DOP1B: variants seen among roughly 807,000 people sequenced by gnomAD.
DOP1B encodes DOP1 leucine zipper like protein B, also known as protein DOP1B.
A neutral mutation model predicts 233.5 loss-of-function variants in DOP1B; 174 were observed. The observed-to-expected ratio is 0.75, with a 90% CI of 0.66 to 0.85. The LOEUF is 0.85. Ranked by LOEUF, DOP1B falls within the 40% of genes least tolerant of loss-of-function variation. The pLI is 0.00. For missense variants in DOP1B, 2,652 were observed against 2,846.6 expected (o/e 0.93, Z 1.56); for synonymous variants, 1,190 against 1,185.6 (o/e 1.00, Z -0.08).
At position 36,248,464 on chromosome 21, in the gene DOP1B, G is replaced by A. The variant is rs1471240404; in HGVS notation, c.4894G>A (p.Ala1632Thr). The A allele has an allele frequency of 6.2e-7, 1 of 1,614,104 alleles. No homozygotes were observed. The highest frequency in any genetic ancestry group is 8.5e-7 in the Non-Finnish European group (1 of 1,180,008). The change falls in exon 21 of 37, where the codon GCC becomes ACC. Residue 1632 changes from alanine (A) to threonine (T), a missense_variant. Around this residue, in one of 3 missense-constraint regions of DOP1B, gnomAD observed 2,617 missense variants for 2,794.3 expected, o/e 0.94. Transcript: ENST00000691173. ...EELPRTVNTM[A>T]LLWNVLRKEE... Reference sequence around the variant, plus strand: ...GCTGCCTCGAACTGTTAACACCATGGCCCTTCTCTGGAATGTTCTCAGAAA... The same window carrying A: ...GCTGCCTCGAACTGTTAACACCATGACCCTTCTCTGGAATGTTCTCAGAAA...
chr21:36,159,908 A>G lies in DOP1B; in HGVS notation c.-27+2965A>G, dbSNP rs1298905393. On this transcript the variant is annotated intron_variant, in intron 1 of 36. Coordinates refer to ENST00000691173, the MANE Select transcript of DOP1B (RefSeq NM_001320714.2). ...TATGTGTGTTAAAAGGAGCAAGGCC[A>G]CTTTGTCCACCCTCTGACACTTACG... Among the ~76,000 whole-genome samples, 4 of 152,296 alleles carry G rather than the reference A, an allele frequency of 2.6e-5. No homozygotes were observed. The East Asian group carries it at 7.7e-4, about 29-fold the overall frequency.
chr21:36,182,307 G>T (rs919514855), intron 2 of DOP1B, among the ~76,000 whole-genome samples: 4 of 152,098 alleles, frequency 2.6e-5, no homozygotes, highest in Non-Finnish European at 4.4e-5. Context: ...TGGGGATCAG[G>T]TGGTGATGCG....
intron 27 of DOP1B, among the ~76,000 whole-genome samples, chr21:36,273,383 G>C (rs564916439): frequency 2.6e-5 from 4 of 152,132 alleles, no homozygotes; most frequent in African/African-American, 9.6e-5. Flanking sequence ...CTCCAGTCTG[G>C]GCAACAGAGG....
In DOP1B at chr21:36,200,470, G is replaced by T. The variant is rs762797534; in HGVS notation, c.460G>T (p.Gly154Cys). Residue 154 changes from glycine to cysteine, a missense_variant, in exon 4 of 37, where the codon GGC becomes TGC. Transcript: ENST00000691173. ...GGCCTTCATCGTGGGCCTGCTGCCC[G>T]GCCTTGAAGAGGGCTCCGAGATCTC... is the stretch of plus-strand genomic sequence containing the variant. ...LQAFIVGLLPGLEEGSEISDR... is the reference protein window; with the variant it reads ...LQAFIVGLLPCLEEGSEISDR... 1.2e-6 allele frequency: 2 copies of T among 1,611,494 alleles called. No individual in the cohort carries two copies. Among genetic ancestry groups the T allele is most frequent in the Non-Finnish European group, 8.5e-7 (1 of 1,179,540 alleles).
At chr21:36,252,278 T>C (rs1418787885) in intron 22 of DOP1B, among the ~76,000 whole-genome samples, 1 of 152,106 alleles carries the variant, frequency 6.6e-6, no homozygotes, top group African/African-American at 2.4e-5. Context: ...TACCATCTTA[T>C]TGCTTTTTTA....
chr21:36,209,022 G>C, intron 5 of DOP1B, 118 bp downstream of exon 5: 9 of 1,188,630 alleles, frequency 7.6e-6, no homozygotes, highest in Non-Finnish European at 1.0e-5. Flanking sequence ...GGTGCACCAA[G>C]CTTAAGTCTG....
At chr21:36,214,761 A>C (rs775913359) in intron 9 of DOP1B, among the ~76,000 whole-genome samples, 1 of 152,222 alleles carries the variant, frequency 6.6e-6, no homozygotes, top group Non-Finnish European at 1.5e-5. Context: ...GCAGTGGCTC[A>C]TGCCTGTAAT....
Position 36,289,223 on chromosome 21 carries a change from C to G in DOP1B, c.6515+17C>G. On this transcript the variant is annotated intron_variant, in intron 35 of 36. Coordinates refer to ENST00000691173, the MANE Select transcript of DOP1B (RefSeq NM_001320714.2). ...ATTTCAAATGTAAGTCAGATAGGAT[C>G]GTGTGTCCTTTTTGAAGTAAGAGAT... is the stretch of plus-strand genomic sequence containing the variant. The G allele has an allele frequency of 6.2e-7, 1 of 1,602,990 alleles. No individual in the cohort carries two copies. Among genetic ancestry groups the G allele is most frequent in the African/African-American group, 1.3e-5 (1 of 74,294 alleles).
chr21:36,169,118 G>T, intron 2 of DOP1B: 1 of 881,904 alleles, frequency 1.1e-6, no homozygotes, highest in Non-Finnish European at 1.9e-6. Flanking sequence ...CCATCGTCTG[G>T]TCTGCACCAG....
At chr21:36,177,711 A>G (rs1398517864) in intron 2 of DOP1B, among the ~76,000 whole-genome samples, 2 of 152,330 alleles carry the variant, frequency 1.3e-5, no homozygotes, top group Non-Finnish European at 2.9e-5. Flanking sequence ...CTGAGCTAGC[A>G]TTAGCATGCT....
At chr21:36,280,719 T>C (rs1240912398) in intron 31 of DOP1B, among the ~76,000 whole-genome samples, 2 of 152,068 alleles carry the variant, frequency 1.3e-5, no homozygotes, top group Non-Finnish European at 2.9e-5. Context: ...GAAATAAGTA[T>C]TGGGCTGGGC....
chr21:36,292,260 T>TC (rs760321913), intron 36 of DOP1B, 27 bp downstream of exon 36: 138 of 1,508,176 alleles, frequency 9.2e-5, no homozygotes, highest in African/African-American at 4.0e-4. Flanking sequence ...TCTTTTCTTT[T>TC]TTTTTTTTTT....
intron 24 of DOP1B, chr21:36,260,961 G>A (rs772784112): frequency 4.5e-5 from 57 of 1,279,294 alleles, no homozygotes; most frequent in Admixed American, 8.0e-5. Context: ...TTATATGAGC[G>A]AAGCTTTATG....
intron 26 of DOP1B, among the ~76,000 whole-genome samples, chr21:36,265,007 G>A (rs943362601): frequency 3.9e-5 from 6 of 152,142 alleles, no homozygotes; most frequent in East Asian, 1.9e-4. Context: ...TAGCCTTGGC[G>A]ATACTACTGC....
At chr21:36,193,776 T>C (rs1245777431) in intron 2 of DOP1B, among the ~76,000 whole-genome samples, 1 of 152,158 alleles carries the variant, frequency 6.6e-6, no homozygotes, top group Non-Finnish European at 1.5e-5. Flanking sequence ...TGGTGGCCTT[T>C]ACCACTGATC....
At chr21:36,262,107 T>C (rs1404823274) in intron 24 of DOP1B, among the ~76,000 whole-genome samples, 3 of 152,186 alleles carry the variant, frequency 2.0e-5, no homozygotes, top group Non-Finnish European at 4.4e-5. Flanking sequence ...AATTGAGGCC[T>C]CCTGGTAGAT....
chr21:36,179,613 A>G (rs187757377), intron 2 of DOP1B, among the ~76,000 whole-genome samples: 36 of 152,310 alleles, frequency 2.4e-4, no homozygotes, highest in African/African-American at 5.3e-4. Flanking sequence ...TGGAACGACA[A>G]TATAATGCAC....
chr21:36,202,775 C>T (rs956841350), intron 4 of DOP1B, among the ~76,000 whole-genome samples: 1 of 152,156 alleles, frequency 6.6e-6, no homozygotes, highest in Non-Finnish European at 1.5e-5. Context: ...TTAAGCCCAG[C>T]GCCAGGCCCT....
intron 2 of DOP1B, chr21:36,169,568 A>G (rs1256211551): frequency 9.1e-7 from 1 of 1,094,408 alleles, no homozygotes; most frequent in South Asian, 1.3e-5. Context: ...GTTCACAGGT[A>G]CCTGCTGCTG....
Sources: gnomAD v4.1 joint callset for allele counts (sites outside exome capture counted in the v4.1 genomes callset) on GRCh38, gnomAD v4.1.1 for gene constraint, gnomAD v4.1.1 regional missense constraint, MANE v1.5 for transcripts, NCBI Gene and HGNC (gene_info 2026-07-23, HGNC 2026-07-21) for gene names.